FMN1: variants seen among roughly 807,000 people sequenced by gnomAD.
The protein encoded by FMN1 is formin-1.
FMN1 carries 110 observed loss-of-function variants against 132.4 expected under a neutral mutation model. The ratio of observed to expected loss-of-function variants is 0.83; its 90% CI spans 0.71 to 0.97. The LOEUF (loss-of-function observed/expected upper bound fraction) is 0.97. FMN1 is among the 50% of genes least tolerant of loss of function. FMN1 has a pLI of 0.00. For missense variants in FMN1, 1,792 were observed against 1,705.3 expected, an observed-to-expected ratio of 1.05 and a Z score of -0.90; for synonymous variants, 722 against 651.7, an observed-to-expected ratio of 1.11 and a Z score of -1.64.
At position 33,153,890 on chromosome 15, in the gene FMN1, C is replaced by G; in HGVS notation, c.1025G>C (p.Arg342Thr). Residue 342 changes from arginine to threonine, a missense_variant, in exon 4 of 21, where the codon AGA (arginine) becomes ACA (threonine). Around this residue, in one of 3 missense-constraint regions of FMN1, gnomAD observed 638 missense variants for 645.2 expected, o/e 0.99. Coordinates refer to ENST00000616417, the MANE Select transcript of FMN1 (RefSeq NM_001277313.2). ...KVQDLSSQVQ[R>T]VVKTHSKGKE... ...ACCCTTAGAATGCGTTTTAACTACT[C>G]TTTGTACCTGGGAGGACAGGTCCTG... The G allele has an allele frequency of 6.5e-7, 1 of 1,536,800 alleles. No individual in the cohort carries two copies. Among genetic ancestry groups the G allele is most frequent in the Non-Finnish European group, 8.7e-7 (1 of 1,147,056 alleles).
intron 16 of FMN1, among the ~76,000 whole-genome samples, chr15:32,884,137 C>T (rs1367408268): frequency 6.6e-6 from 1 of 152,090 alleles, no homozygotes; most frequent in East Asian, 1.9e-4. Context: ...CTGATTGCTA[C>T]TATAATAAAT....
rs151278576 is a variant in FMN1, at chr15:32,897,847, A to C, written c.3714+987T>G. Among the ~76,000 whole-genome samples the C allele has an allele frequency of 1.6e-3, 244 of 152,286 alleles. 1 individual carries two copies. Among genetic ancestry groups the C allele is most frequent in the Non-Finnish European group, 2.8e-3 (189 of 68,024 alleles). ...CGGCAGGAAAACAAAACAAAAAACA[A>C]AACAGGGAAGGACATCAGAAACAAC... On this transcript the variant is annotated intron_variant, in intron 15 of 20. Coordinates refer to ENST00000616417, the MANE Select transcript of FMN1 (RefSeq NM_001277313.2).
At chr15:32,916,985 A>G (rs1596267202) in intron 10 of FMN1, among the ~76,000 whole-genome samples, 1 of 152,178 alleles carries the variant, frequency 6.6e-6, no homozygotes, top group East Asian at 1.9e-4. Context: ...TGACCTCTAC[A>G]AAGGCAACGA....
intron 17 of FMN1, among the ~76,000 whole-genome samples, chr15:32,805,445 G>C (rs1255091697): frequency 6.6e-6 from 1 of 152,140 alleles, no homozygotes; most frequent in East Asian, 1.9e-4. Context: ...CTCCCATTCT[G>C]TAGGTTGCCT....
intron 7 of FMN1, among the ~76,000 whole-genome samples, chr15:33,005,637 C>G (rs1264012003): frequency 6.7e-6 from 1 of 149,454 alleles, no homozygotes; most frequent in Non-Finnish European, 1.5e-5. Context: ...CTTCTGTTAC[C>G]AAGAATATTA....
intron 6 of FMN1, among the ~76,000 whole-genome samples, chr15:33,014,272 C>T (rs975711471): frequency 6.6e-6 from 1 of 151,776 alleles, no homozygotes. Context: ...TTAGTGGCAG[C>T]CCCCTGCCCC....
At chr15:32,916,892 C>G (rs775056748) in intron 10 of FMN1, among the ~76,000 whole-genome samples, 3 of 152,066 alleles carry the variant, frequency 2.0e-5, no homozygotes, top group African/African-American at 4.8e-5. Flanking sequence ...GAGAACAGAG[C>G]AGGGAAAGAA....
chr15:33,118,737 T>C (rs1234648324), intron 4 of FMN1, among the ~76,000 whole-genome samples: 2 of 152,132 alleles, frequency 1.3e-5, no homozygotes, highest in African/African-American at 2.4e-5. Context: ...CTATTTTGGT[T>C]AAATAATCTA....
At chr15:32,809,314 G>A (rs13329660) in intron 17 of FMN1, among the ~76,000 whole-genome samples, 184 of 152,068 alleles carry the variant, frequency 1.2e-3, no homozygotes, top group Middle Eastern at 0.01. Context: ...ACCTGTAACA[G>A]GTTCCCCTCA....
intron 9 of FMN1, among the ~76,000 whole-genome samples, chr15:32,959,561 A>C (rs2030265252): frequency 6.6e-6 from 1 of 152,258 alleles, no homozygotes; most frequent in African/African-American, 2.4e-5. Flanking sequence ...ACTTACAGAG[A>C]AAAGCAAGCA....
At chr15:32,794,619 G>A (rs929605465) in intron 19 of FMN1, among the ~76,000 whole-genome samples, 1 of 152,060 alleles carries the variant, frequency 6.6e-6, no homozygotes, top group African/African-American at 2.4e-5. Flanking sequence ...AGCCAATAAA[G>A]GTATCAGCAA....
At chr15:33,045,288 C>T (rs964961252) in intron 6 of FMN1, among the ~76,000 whole-genome samples, 1 of 152,178 alleles carries the variant, frequency 6.6e-6, no homozygotes, top group Non-Finnish European at 1.5e-5. Context: ...GTTTACACAC[C>T]CTATGCCACT....
intron 4 of FMN1, among the ~76,000 whole-genome samples, chr15:33,139,569 C>T (rs141594570): frequency 6.6e-5 from 10 of 152,254 alleles, no homozygotes; most frequent in South Asian, 6.2e-4. Context: ...CCAGCCAGGG[C>T]GACAGAGCGA....
intron 6 of FMN1, among the ~76,000 whole-genome samples, chr15:33,009,884 CTTT>C (rs1402673906): frequency 1.3e-5 from 2 of 151,394 alleles, no homozygotes; most frequent in Non-Finnish European, 1.5e-5. Flanking sequence ...ATGGAGGAAT[CTTT>C]TTTTTGTTTG....
At chr15:32,936,952 CA>C (rs1567426612) in intron 9 of FMN1, among the ~76,000 whole-genome samples, 1 of 152,162 alleles carries the variant, frequency 6.6e-6, no homozygotes, top group East Asian at 1.9e-4. Context: ...AGTCTCCAGG[CA>C]TCTAGAGTAT....
chr15:33,128,721 G>T (rs2468737), intron 4 of FMN1, among the ~76,000 whole-genome samples: 100,612 of 151,980 alleles, frequency 0.66, 35,184 homozygotes, highest in East Asian at 0.79. Flanking sequence ...CGGTAAGTGT[G>T]ACAGCTCTTA....
chr15:32,887,118 G>C (rs11858581), intron 16 of FMN1, among the ~76,000 whole-genome samples: 3 of 152,032 alleles, frequency 2.0e-5, no homozygotes, highest in Non-Finnish European at 4.4e-5. Context: ...CTTTGCCACC[G>C]GGAGCAGATC....
chr15:32,814,034 C>T (rs1297178220), intron 17 of FMN1, among the ~76,000 whole-genome samples: 6 of 152,122 alleles, frequency 3.9e-5, no homozygotes, highest in Admixed American at 1.3e-4. Context: ...TCAGCTTTCA[C>T]GCTAAATTTC....
intron 6 of FMN1, among the ~76,000 whole-genome samples, chr15:33,032,332 C>T (rs964352945): frequency 6.6e-6 from 1 of 152,202 alleles, no homozygotes; most frequent in Non-Finnish European, 1.5e-5. Flanking sequence ...TGCAAGTATT[C>T]ATTACAATGT....
Sources: allele counts gnomAD v4.1 joint callset (sites outside exome capture counted in the v4.1 genomes callset), GRCh38; gene constraint gnomAD v4.1.1; regional missense constraint gnomAD v4.1.1; transcripts MANE v1.5; gene names NCBI Gene and HGNC (gene_info 2026-07-23, HGNC 2026-07-21).